OSBPL10: variants seen among roughly 807,000 people sequenced by gnomAD.
The protein encoded by OSBPL10 is oxysterol-binding protein-related protein 10.
In OSBPL10, 49 loss-of-function variants were observed where a neutral mutation model predicts 81.7. The ratio of observed to expected loss-of-function variants is 0.60; its 90% CI spans 0.48 to 0.76. The LOEUF (loss-of-function observed/expected upper bound fraction) is 0.76, where lower values mean the gene tolerates loss of function less well. Among genes scored for constraint, OSBPL10 ranks in the 30% least tolerant of loss-of-function variants. OSBPL10 has a pLI of 0.00. For synonymous variants in OSBPL10, 419 were observed against 383.6 expected (o/e 1.09, Z -1.08); for missense variants, 923 against 987.8 (o/e 0.93, Z 0.88).
chr3:31,945,266 G>A (rs140266260), intron 1 of OSBPL10, among the ~76,000 whole-genome samples: 3,045 of 151,932 alleles, frequency 0.02, 113 homozygotes, highest in African/African-American at 0.068. Context: ...CAAACAAGGC[G>A]TCAAATTCCT....
intron 1 of OSBPL10, among the ~76,000 whole-genome samples, chr3:31,957,563 G>C (rs1698042672): frequency 6.6e-6 from 1 of 152,242 alleles, no homozygotes; most frequent in Admixed American, 6.5e-5. Flanking sequence ...TTGTGAAAAA[G>C]AACCTTGCCA....
At chr3:31,917,832 C>T (rs1021080948) in intron 1 of OSBPL10, among the ~76,000 whole-genome samples, 1 of 151,524 alleles carries the variant, frequency 6.6e-6, no homozygotes, top group African/African-American at 2.4e-5. Flanking sequence ...GTTTTGTTAT[C>T]AGCCTTAGTT....
In OSBPL10 at chr3:31,713,460, G is replaced by C. The variant is rs888601105; in HGVS notation, c.1096-10952C>G. On this transcript the variant is annotated intron_variant, in intron 6 of 11. Coordinates refer to ENST00000396556, the MANE Select transcript of OSBPL10 (RefSeq NM_017784.5). ...TGCCCAGGCTGGAGTGCAGCGGTGT[G>C]ATCTTGGCTCACTGCAACCTTCCCC... is the stretch of plus-strand genomic sequence containing the variant. Among the ~76,000 whole-genome samples the C allele has an allele frequency of 5.3e-5, 8 of 151,650 alleles. 2 individuals carry two copies. Among genetic ancestry groups the C allele is most frequent in the Admixed American group, 2.0e-4 (3 of 15,242 alleles).
At chr3:31,749,359 T>C (rs1697642563) in intron 4 of OSBPL10, among the ~76,000 whole-genome samples, 1 of 152,216 alleles carries the variant, frequency 6.6e-6, no homozygotes, top group Non-Finnish European at 1.5e-5. Context: ...ATTCCACAGA[T>C]GTGGTTTGAG....
Position 31,668,904 on chromosome 3 carries a change from ATT to A in OSBPL10, c.1914-82_1914-81del, listed in dbSNP as rs376063579. ...TTCAAAGGTACACCCATCTCTAGAG[ATT>A]TTTTTTTTTAATCAGAAATGGGAAG... On this transcript the variant is annotated intron_variant, in intron 9 of 11. Coordinates refer to ENST00000396556, the MANE Select transcript of OSBPL10 (RefSeq NM_017784.5). The A allele has an allele frequency of 8.7e-5, 95 of 1,096,844 alleles. 1 individual carries two copies. In the Middle Eastern group the frequency reaches 1.4e-3, roughly 16 times the overall value. The allele number at this position is 1,096,844 out of a possible 1,614,324, so 67.9% of individuals were successfully genotyped here. A position where few individuals can be genotyped will look rare whatever the true frequency, so the allele number is the denominator to read the frequency against.
At chr3:31,999,576 G>A (rs1228529876) in intron 2 of OSBPL10, among the ~76,000 whole-genome samples, 1 of 151,850 alleles carries the variant, frequency 6.6e-6, no homozygotes, top group East Asian at 1.9e-4. Context: ...TTTTAGGCTG[G>A]TCTCGAACTT....
At chr3:31,940,770 T>G (rs13079226) in intron 1 of OSBPL10, among the ~76,000 whole-genome samples, 31,441 of 151,794 alleles carry the variant, frequency 0.21, 3,787 homozygotes, top group Non-Finnish European at 0.28. Context: ...AGCGTAGATG[T>G]TACTACTGCC....
chr3:31,828,306 G>C (rs1263110449), intron 4 of OSBPL10, among the ~76,000 whole-genome samples: 1 of 152,128 alleles, frequency 6.6e-6, no homozygotes, highest in Non-Finnish European at 1.5e-5. Flanking sequence ...GAAAAATAAA[G>C]TGGTGGGGGA....
At chr3:31,926,500 C>T (rs1402040672) in intron 1 of OSBPL10, among the ~76,000 whole-genome samples, 2 of 152,084 alleles carry the variant, frequency 1.3e-5, no homozygotes, top group Non-Finnish European at 2.9e-5. Context: ...AACTTCACCT[C>T]GCTTCCTCAT....
intron 2 of OSBPL10, among the ~76,000 whole-genome samples, chr3:32,006,392 T>G (rs2125536172): frequency 6.6e-6 from 1 of 152,356 alleles, no homozygotes; most frequent in East Asian, 1.9e-4. Flanking sequence ...TCCCTTTCTG[T>G]AAGCCAGTTG....
At chr3:31,860,744 C>T (rs750574933) in intron 3 of OSBPL10, among the ~76,000 whole-genome samples, 8 of 152,092 alleles carry the variant, frequency 5.3e-5, no homozygotes, top group Non-Finnish European at 8.8e-5. Context: ...GGCACAATAT[C>T]GGCTCACTGC....
At chr3:31,767,211 T>G (rs1698227485) in intron 4 of OSBPL10, among the ~76,000 whole-genome samples, 1 of 152,226 alleles carries the variant, frequency 6.6e-6, no homozygotes, top group African/African-American at 2.4e-5. Context: ...AGCCCTCTTG[T>G]GTTTTGCTCA....
intron 1 of OSBPL10, among the ~76,000 whole-genome samples, chr3:31,920,996 G>C (rs2125706083): frequency 6.6e-6 from 1 of 152,208 alleles, no homozygotes; most frequent in Middle Eastern, 3.4e-3. Flanking sequence ...AAATTACCCA[G>C]TCTCAGGTAT....
intron 3 of OSBPL10, among the ~76,000 whole-genome samples, chr3:31,845,017 A>G (rs973807890): frequency 4.6e-5 from 7 of 152,196 alleles, no homozygotes; most frequent in African/African-American, 1.7e-4. Flanking sequence ...AGGAGGTCAA[A>G]GCTGCAGTAA....
chr3:31,870,839 A>T (rs1040522805), intron 3 of OSBPL10, among the ~76,000 whole-genome samples: 2 of 152,160 alleles, frequency 1.3e-5, no homozygotes, highest in African/African-American at 4.8e-5. Flanking sequence ...TAAACACACC[A>T]ATCAGCACCC....
At chr3:31,880,826 T>C (rs1695552099) in intron 1 of OSBPL10, among the ~76,000 whole-genome samples, 1 of 152,218 alleles carries the variant, frequency 6.6e-6, no homozygotes. Flanking sequence ...TTGAAACATT[T>C]CCTGCATTTG....
intron 1 of OSBPL10, among the ~76,000 whole-genome samples, chr3:31,903,317 T>G (rs748833709): frequency 1.4e-5 from 2 of 141,540 alleles, no homozygotes; most frequent in African/African-American, 5.5e-5. Flanking sequence ...CCTTGTTTTG[T>G]TTTGCTTTTT....
chr3:31,805,638 A>G (rs1233809491), intron 4 of OSBPL10, among the ~76,000 whole-genome samples: 1 of 152,242 alleles, frequency 6.6e-6, no homozygotes, highest in Non-Finnish European at 1.5e-5. Flanking sequence ...CACACAAAAT[A>G]CAAAGCACCT....
intron 1 of OSBPL10, among the ~76,000 whole-genome samples, chr3:31,928,910 T>C (rs1047059434): frequency 6.6e-5 from 10 of 152,176 alleles, no homozygotes; most frequent in Non-Finnish European, 1.3e-4. Flanking sequence ...CAATCTATTA[T>C]TAGGTCTAGG....
Sources: gnomAD v4.1 joint callset for allele counts (sites outside exome capture counted in the v4.1 genomes callset) on GRCh38, gnomAD v4.1.1 for gene constraint, MANE v1.5 for transcripts, NCBI Gene and HGNC (gene_info 2026-07-23, HGNC 2026-07-21) for gene names.